The following UNC79 variants were observed in gnomAD, a reference collection of about 807,000 sequenced individuals.
UNC79 encodes unc-79 subunit of NALCN channel complex.
In UNC79, 37 loss-of-function variants were observed where a neutral mutation model predicts 283.1. That is an observed-to-expected ratio of 0.13 (90% CI 0.10 to 0.17). The LOEUF (loss-of-function observed/expected upper bound fraction) is 0.17. UNC79 is among the 10% of genes least tolerant of loss of function. UNC79 has a pLI of 1.00. For synonymous variants in UNC79, 1,107 were observed against 1,200.2 expected (o/e 0.92, Z 1.61); for missense variants, 2,272 against 3,211.1 (o/e 0.71, Z 7.07).
chr14:93,408,240 G>A (rs1319227177), intron 1 of UNC79, among the ~76,000 whole-genome samples: 1 of 152,162 alleles, frequency 6.6e-6, no homozygotes, highest in Non-Finnish European at 1.5e-5. Flanking sequence ...GAACACACGA[G>A]TAATATAAGT....
intron 26 of UNC79, among the ~76,000 whole-genome samples, chr14:93,611,573 G>A (rs796097222): frequency 2.6e-5 from 4 of 152,272 alleles, no homozygotes; most frequent in Non-Finnish European, 5.9e-5. Context: ...TATGCCTCGC[G>A]TCTCTTGGCT....
At chr14:93,521,012 G>C (rs746542260) in intron 7 of UNC79, among the ~76,000 whole-genome samples, 1 of 151,976 alleles carries the variant, frequency 6.6e-6, no homozygotes, top group Non-Finnish European at 1.5e-5. Flanking sequence ...GAATTTTGCT[G>C]TCTTCCATTA....
At chr14:93,583,131 G>A (rs1400227776) in intron 20 of UNC79, among the ~76,000 whole-genome samples, 2 of 152,070 alleles carry the variant, frequency 1.3e-5, no homozygotes, top group Non-Finnish European at 2.9e-5. Context: ...AGACCAGCCT[G>A]GCCAACTTGG....
chr14:93,610,183 T>A (rs1258277818), intron 26 of UNC79, among the ~76,000 whole-genome samples: 2 of 152,210 alleles, frequency 1.3e-5, no homozygotes, highest in African/African-American at 4.8e-5. Flanking sequence ...TTTTCTAGAC[T>A]TGAATTGGGA....
At position 93,497,141 on chromosome 14, in the gene UNC79, T is replaced by C; in HGVS notation, c.769-16T>C. On this transcript the variant is annotated splice_polypyrimidine_tract_variant and intron_variant, in intron 6 of 48. Transcript: ENST00000555664. Reference sequence around the variant, plus strand: ...TTCATGATGCTAAGTCAAAATATGCTTGCTGTTTCCTTTAGGATCTTTTGT... The same window carrying C: ...TTCATGATGCTAAGTCAAAATATGCCTGCTGTTTCCTTTAGGATCTTTTGT... 6.2e-7 allele frequency: 1 copy of C among 1,603,822 alleles called. No homozygotes were observed. The highest frequency in any genetic ancestry group is 8.5e-7 in the Non-Finnish European group (1 of 1,176,898).
At chr14:93,684,986 T>C (rs2074127399) in intron 42 of UNC79, among the ~76,000 whole-genome samples, 1 of 152,206 alleles carries the variant, frequency 6.6e-6, no homozygotes, top group African/African-American at 2.4e-5. Flanking sequence ...TCTTAAGCTT[T>C]GCAAAGTAGA....
Position 93,361,211 on chromosome 14 carries a change from CAAAAAAA to C in UNC79, c.-351+27707_-351+27713del, listed in dbSNP as rs58267219. On this transcript the variant is annotated intron_variant, in intron 1 of 49. Coordinates refer to the UNC79 transcript ENST00000256339. ...TGGGTGACAGAGCAAGACTCTGTCT[CAAAAAAA>C]AAAAAAAAAAAAAAAAAAGAAAAGA... 3.5e-4 allele frequency among the ~76,000 whole-genome samples: 19 copies of C among 54,358 alleles called. No homozygotes were observed. The South Asian group carries it at 7.3e-3, about 21-fold the overall frequency. 35.7% of individuals were successfully genotyped at this position (54,358 alleles called of 152,430 possible). A position where few individuals can be genotyped will look rare whatever the true frequency, so the allele number is the denominator to read the frequency against.
At chr14:93,428,299 G>A (rs1252530575), upstream of UNC79, among the ~76,000 whole-genome samples, 2 of 151,996 alleles carry the variant, frequency 1.3e-5, no homozygotes, top group African/African-American at 2.4e-5. Flanking sequence ...TAAAATGCTG[G>A]GAAAAAGAAG....
intron 41 of UNC79, among the ~76,000 whole-genome samples, chr14:93,675,866 T>A (rs1250219119): frequency 2.6e-5 from 4 of 152,090 alleles, no homozygotes; most frequent in Admixed American, 2.6e-4. Context: ...TGGCTCTTAT[T>A]ATACCAAGTT....
At chr14:93,457,735 A>T (rs904600876) in intron 1 of UNC79, among the ~76,000 whole-genome samples, 1 of 152,230 alleles carries the variant, frequency 6.6e-6, no homozygotes, top group African/African-American at 2.4e-5. Context: ...TGGAAAAAGG[A>T]TCGAAAGGGA....
At chr14:93,540,556 A>G in intron 12 of UNC79, 104 bp from the exon 13 acceptor site, 1 of 1,276,424 alleles carries the variant, frequency 7.8e-7, no homozygotes, top group Non-Finnish European at 1.1e-6. Flanking sequence ...AAAGAAGAGC[A>G]ATCCAGGATG....
intron 2 of UNC79, among the ~76,000 whole-genome samples, chr14:93,472,371 T>A (rs1353410691): frequency 6.6e-6 from 1 of 152,070 alleles, no homozygotes; most frequent in Non-Finnish European, 1.5e-5. Context: ...ATAGATACAG[T>A]CAGGTGGTAA....
At chr14:93,559,824 G>A (rs2062434167) in intron 14 of UNC79, among the ~76,000 whole-genome samples, 1 of 152,106 alleles carries the variant, frequency 6.6e-6, no homozygotes, top group Non-Finnish European at 1.5e-5. Flanking sequence ...CTTAGCTTGG[G>A]CTCAGAGGCC....
intron 17 of UNC79, among the ~76,000 whole-genome samples, chr14:93,577,397 G>A (rs2063535456): frequency 6.6e-6 from 1 of 152,272 alleles, no homozygotes; most frequent in Non-Finnish European, 1.5e-5. Flanking sequence ...ATATATTGTT[G>A]TCTCATAATA....
rs1193245891 is a variant in UNC79, at chr14:93,357,808, GAT to G, written c.-351+24296_-351+24297del. On this transcript the variant is annotated intron_variant, in intron 1 of 49. Transcript: ENST00000256339. ...ATGGATATATATATATGGATATATG[GAT>G]ATATATATATGGATATATGGATATG... 1.0e-3 allele frequency among the ~76,000 whole-genome samples: 87 copies of G among 86,450 alleles called. No homozygotes were observed. The South Asian group carries it at 0.013, about 13-fold the overall frequency. 56.7% of individuals were successfully genotyped at this position (86,450 alleles called of 152,430 possible).
At position 93,690,347 on chromosome 14, in the gene UNC79, C is replaced by G. The variant is rs778147404; in HGVS notation, c.7272+44C>G. On this transcript the variant is annotated intron_variant, in intron 45 of 48. Coordinates refer to ENST00000555664, the Ensembl canonical transcript of UNC79. The surrounding 1 kb of genome is among the most constrained non-coding windows in gnomAD (Gnocchi z 4.3). ...ATTAAGACCGTATGCATCGCAATTG[C>G]TAATGGAAACCTTATCAGCCAATTA... 6.4e-7 allele frequency: 1 copy of G among 1,571,926 alleles called. No homozygotes were observed. Among genetic ancestry groups the G allele is most frequent in the Admixed American group, 1.8e-5 (1 of 55,888 alleles).
At chr14:93,462,962 G>A (rs1280339081) in intron 1 of UNC79, among the ~76,000 whole-genome samples, 15 of 152,144 alleles carry the variant, frequency 9.9e-5, no homozygotes, top group Admixed American at 9.8e-4. Flanking sequence ...TTTCAGAGCA[G>A]TTGGCCCCTG....
intron 1 of UNC79, among the ~76,000 whole-genome samples, chr14:93,458,017 T>C (rs2056844316): frequency 6.6e-6 from 1 of 152,200 alleles, no homozygotes; most frequent in Non-Finnish European, 1.5e-5. Flanking sequence ...AGGCATAATT[T>C]TTACTTAAAC....
At chr14:93,540,817 G>A in exon 13 of UNC79, 1 of 1,612,626 alleles carries the variant, frequency 6.2e-7, no homozygotes, top group Non-Finnish European at 8.5e-7. Flanking sequence ...CAGTCAATTC[G>A]GAATATGGTT....
Sources: gnomAD v4.1 joint callset for allele counts (sites outside exome capture counted in the v4.1 genomes callset) on GRCh38, gnomAD v4.1.1 for gene constraint, Gnocchi (gnomAD v3.1) non-coding constraint, MANE v1.5 for transcripts, NCBI Gene and HGNC (gene_info 2026-07-23, HGNC 2026-07-21) for gene names.